Variants in CLEC4A observed in about 807,000 individuals in gnomAD.
CLEC4A encodes C-type lectin domain family 4 member A.
CLEC4A carries 27 observed loss-of-function variants against 32.7 expected under a neutral mutation model. The ratio of observed to expected loss-of-function variants is 0.83; its 90% CI spans 0.61 to 1.14. The LOEUF is 1.14. CLEC4A is among the 50% of genes most tolerant of loss of function. The pLI, the probability that CLEC4A is intolerant of heterozygous loss-of-function variation, is 0.00. For synonymous variants in CLEC4A, 89 were observed against 93.7 expected, an observed-to-expected ratio of 0.95 and a Z score of 0.29; for missense variants, 253 against 274.6, an observed-to-expected ratio of 0.92 and a Z score of 0.55.
chr12:8,120,316 A>G (rs1947821216), upstream of CLEC4A, among the ~76,000 whole-genome samples: 1 of 152,010 alleles, frequency 6.6e-6, no homozygotes, highest in African/African-American at 2.4e-5. Flanking sequence ...ACCCTGAATC[A>G]CCTTCTTAGC....
chr12:8,125,813 G>T lies in CLEC4A; in HGVS notation c.199+136G>T. ...TTCTCTGGGGAGACATAATTCATGG[G>T]AATCCACTGTGAATTTTGCTCTTTA... On this transcript the variant is annotated intron_variant, in intron 2 of 5. Coordinates refer to ENST00000229332, the MANE Select transcript of CLEC4A (RefSeq NM_016184.4). The T allele has an allele frequency of 4.8e-6, 3 of 625,096 alleles. 1 individual carries two copies. The South Asian group carries it at 6.1e-5, about 13-fold the overall frequency. 38.7% of individuals were successfully genotyped at this position (625,096 alleles called of 1,614,324 possible).
intron 3 of CLEC4A, 129 bp downstream of exon 3, chr12:8,129,491 A>G: frequency 1.5e-6 from 1 of 687,154 alleles, no homozygotes; most frequent in Non-Finnish European, 2.5e-6. Flanking sequence ...TAAGCTACAA[A>G]TGTACAAATA....
intron 3 of CLEC4A, chr12:8,133,876 C>T (rs1948043084): frequency 1.9e-6 from 3 of 1,584,484 alleles, no homozygotes; most frequent in Non-Finnish European, 2.6e-6. Flanking sequence ...AGTGAGGGCT[C>T]CCATAGCCTG....
the CLEC4A span, among the ~76,000 whole-genome samples, chr12:8,112,432 C>T: frequency 6.6e-6 from 1 of 152,286 alleles, no homozygotes; most frequent in Admixed American, 6.5e-5. Flanking sequence ...CTGCCTAATT[C>T]ATATACTTAA....
At position 8,125,597 on chromosome 12, in the gene CLEC4A, C is replaced by G. The variant is rs112445640; in HGVS notation, c.119C>G (p.Thr40Ser). The G allele has an allele frequency of 5.6e-6, 9 of 1,612,886 alleles. No individual in the cohort carries two copies. Among genetic ancestry groups the G allele is most frequent in the Non-Finnish European group, 7.6e-6 (9 of 1,179,024 alleles). Residue 40 changes from threonine to serine, a missense_variant, in exon 2 of 6, where the codon ACC becomes AGC. Transcript: ENST00000229332. ...KERTAPHKSN[T>S]GFPKLLCASL... ...AGGACTGCCCCTCACAAAAGTAATACCGGATTCCCCAAGCTGCTTTGTGCC... is the reference window on the plus strand; with the variant it reads ...AGGACTGCCCCTCACAAAAGTAATAGCGGATTCCCCAAGCTGCTTTGTGCC...
intron 3 of CLEC4A, chr12:8,133,840 A>C: frequency 6.3e-7 from 1 of 1,584,654 alleles, no homozygotes; most frequent in Non-Finnish European, 8.6e-7. Context: ...CCTCAGGGAA[A>C]GGGACCGAGG....
At chr12:8,104,851 T>A in the CLEC4A span, among the ~76,000 whole-genome samples, 2 of 152,216 alleles carry the variant, frequency 1.3e-5, no homozygotes, top group African/African-American at 4.8e-5. Flanking sequence ...CTGCATTAGT[T>A]CACTTAGGTT....
intron 3 of CLEC4A, among the ~76,000 whole-genome samples, chr12:8,130,404 A>C (rs374179773): frequency 6.6e-6 from 1 of 152,016 alleles, no homozygotes; most frequent in Non-Finnish European, 1.5e-5. Flanking sequence ...ATAGGATCTC[A>C]CTCTGTTTTC....
In CLEC4A at chr12:8,136,563, C is replaced by CA. The variant is rs5796306; in HGVS notation, c.451-204dup. 3.3e-3 allele frequency among the ~76,000 whole-genome samples: 328 copies of CA among 100,418 alleles called. 2 individuals carry two copies. The highest frequency in any genetic ancestry group is 0.011 in the African/African-American group (294 of 27,156). 65.9% of individuals were successfully genotyped at this position (100,418 alleles called of 152,430 possible). Reference sequence around the variant, plus strand: ...TGGGACAGAAAGTGAGACTCCATCTCAAAAAAAAAAAAAAAAAAAAATTCC... The same window carrying CA: ...TGGGACAGAAAGTGAGACTCCATCTCAAAAAAAAAAAAAAAAAAAAAATTCC... On this transcript the variant is annotated intron_variant, in intron 4 of 5. Coordinates refer to ENST00000229332, the MANE Select transcript of CLEC4A (RefSeq NM_016184.4).
rs1287064473 is a variant in CLEC4A at position 8,125,591 on chromosome 12, G to A, written c.113G>A (p.Ser38Asn). The part of the protein sequence containing the change: ...ASKERTAPHK[S>N]NTGFPKLLCA... ...AAGGAGAGGACTGCCCCTCACAAAA[G>A]TAATACCGGATTCCCCAAGCTGCTT... Residue 38 changes from serine (S) to asparagine (N), a missense_variant, in exon 2 of 6, where the codon AGT becomes AAT. Coordinates refer to ENST00000229332, the MANE Select transcript of CLEC4A (RefSeq NM_016184.4). 1 of 1,612,802 alleles carries A rather than the reference G, an allele frequency of 6.2e-7. No homozygotes were observed.
chr12:8,109,865 G>A, the CLEC4A span, among the ~76,000 whole-genome samples: 1 of 152,142 alleles, frequency 6.6e-6, no homozygotes, highest in African/African-American at 2.4e-5. Flanking sequence ...AATGACAGGA[G>A]TTCTTTTTTT....
chr12:8,138,093 C>G (rs769990709), intron 5 of CLEC4A, 47 bp from the exon 6 acceptor site: 1 of 1,587,400 alleles, frequency 6.3e-7, no homozygotes, highest in African/African-American at 1.4e-5. Flanking sequence ...TAACCCTTTT[C>G]AAAGCTCTGT....
chr12:8,130,503 C>T (rs1947979611), intron 3 of CLEC4A, among the ~76,000 whole-genome samples: 1 of 151,926 alleles, frequency 6.6e-6, no homozygotes, highest in Admixed American at 6.6e-5. Flanking sequence ...CTCCCAGTAG[C>T]TGGGATCAAA....
chr12:8,103,405 T>TTTTTTTTTC, the CLEC4A span, among the ~76,000 whole-genome samples: 2 of 98,702 alleles, frequency 2.0e-5, no homozygotes, highest in African/African-American at 6.8e-5. Context: ...TTTTTTTTTT[T>TTTTTTTTTC]AGACGGAGTC....
intron 3 of CLEC4A, among the ~76,000 whole-genome samples, chr12:8,135,326 T>C (rs1948093947): frequency 1.3e-5 from 2 of 152,104 alleles, no homozygotes; most frequent in South Asian, 4.1e-4. Flanking sequence ...GTCTGGATCT[T>C]ATTTAAACAT....
Position 8,135,722 on chromosome 12 carries a change from A to T in CLEC4A, c.436A>T (p.Thr146Ser), listed in dbSNP as rs780853599. Reference sequence around the variant, plus strand: ...GGAGGCTCACCTGCTGGTGATAAACACTCAAGAAGAGCAGGTACTTTCTAA... The same window carrying T: ...GGAGGCTCACCTGCTGGTGATAAACTCTCAAGAAGAGCAGGTACTTTCTAA... ...RMEAHLLVIN[T>S]QEEQDFIFQN... Residue 146 changes from threonine to serine, a missense_variant, in exon 4 of 6, where the codon ACT becomes TCT. Physicochemically the swap from Thr to Ser is moderately conservative, Grantham distance 58 (BLOSUM62 1). Coordinates refer to ENST00000229332, the MANE Select transcript of CLEC4A (RefSeq NM_016184.4). The T allele has an allele frequency of 1.2e-6, 2 of 1,613,984 alleles. No individual in the cohort carries two copies. The highest frequency in any genetic ancestry group is 2.2e-5 in the South Asian group (2 of 91,078).
chr12:8,114,451 A>G, the CLEC4A span, among the ~76,000 whole-genome samples: 2 of 151,948 alleles, frequency 1.3e-5, no homozygotes, highest in African/African-American at 2.4e-5. Context: ...TCACCGTGTT[A>G]GCCAGGATGG....
chr12:8,132,172 G>C (rs56263137), intron 3 of CLEC4A, among the ~76,000 whole-genome samples: 1 of 152,200 alleles, frequency 6.6e-6, no homozygotes, highest in Admixed American at 6.5e-5. Flanking sequence ...ATATCACCAC[G>C]TGTTTTTTCT....
At chr12:8,107,392 CAGTT>C in the CLEC4A span, among the ~76,000 whole-genome samples, 51 of 152,264 alleles carry the variant, frequency 3.3e-4, no homozygotes, top group African/African-American at 1.2e-3. Flanking sequence ...TTCAGAGAAT[CAGTT>C]AGCGATGAGT....
Sources: allele counts gnomAD v4.1 joint callset (sites outside exome capture counted in the v4.1 genomes callset), GRCh38; gene constraint gnomAD v4.1.1; transcripts MANE v1.5; gene names NCBI Gene and HGNC (gene_info 2026-07-23, HGNC 2026-07-21).